Variants in LIPC observed in about 807,000 individuals in gnomAD.
LIPC encodes the protein hepatic triacylglycerol lipase.
Under a neutral mutation model 50.7 loss-of-function variants are expected in LIPC, and 44 were observed. The ratio of observed to expected loss-of-function variants is 0.87; its 90% confidence interval spans 0.68 to 1.11. The LOEUF (loss-of-function observed/expected upper bound fraction) is 1.11. Ranked by LOEUF, LIPC falls within the 50% of genes most tolerant of loss-of-function variation. LIPC has a pLI of 0.00. For synonymous variants in LIPC, 271 were observed against 256.4 expected, an observed-to-expected ratio of 1.06 and a Z score of -0.54; for missense variants, 697 against 648.2, an observed-to-expected ratio of 1.08 and a Z score of -0.82.
In LIPC at chr15:58,538,456, C is replaced by T. The variant is rs768938270; in HGVS notation, c.212C>T (p.Thr71Met). The change falls in exon 2 of 9, where the codon ACG becomes ATG. Residue 71 changes from threonine to methionine, a missense_variant. Transcript: ENST00000299022. Reference sequence around the variant, plus strand: ...CAGATTCGAATCAATCATCCGGACACGTTACAGGAGTGCGGCTTCAACTCC... The same window carrying T: ...CAGATTCGAATCAATCATCCGGACATGTTACAGGAGTGCGGCTTCAACTCC... ...GCQIRINHPD[T>M]LQECGFNSSL... The T allele has an allele frequency of 5.0e-6, 8 of 1,614,040 alleles. No individual in the cohort carries two copies. The highest frequency in any genetic ancestry group is 4.0e-5 in the African/African-American group (3 of 74,916).
chr15:58,537,168 G>A (rs1432559089), intron 1 of LIPC, among the ~76,000 whole-genome samples: 4 of 152,102 alleles, frequency 2.6e-5, no homozygotes, highest in African/African-American at 4.8e-5. Context: ...GAAAAGATGC[G>A]CCCATCTTGA....
chr15:58,541,728 G>A, intron 2 of LIPC, 57 bp from the exon 3 acceptor site: 1 of 1,541,250 alleles, frequency 6.5e-7, no homozygotes, highest in Non-Finnish European at 8.9e-7. Context: ...GGAGAAGGAA[G>A]AAGGGTGAGC....
At chr15:58,449,985 G>A (rs924108885) in intron 1 of LIPC, among the ~76,000 whole-genome samples, 3 of 152,174 alleles carry the variant, frequency 2.0e-5, no homozygotes, top group Non-Finnish European at 4.4e-5. Context: ...AAAGACCAGA[G>A]GGACCAGCCT....
chr15:58,489,428 G>A (rs1891503856), intron 1 of LIPC, among the ~76,000 whole-genome samples: 1 of 152,088 alleles, frequency 6.6e-6, no homozygotes, highest in South Asian at 2.1e-4. Context: ...AGCGGTTAGG[G>A]TTTTTCAAGG....
intron 1 of LIPC, among the ~76,000 whole-genome samples, chr15:58,469,171 G>C (rs1027730611): frequency 6.8e-6 from 1 of 146,340 alleles, no homozygotes; most frequent in African/African-American, 2.5e-5. Context: ...ATCTCACTCT[G>C]TTGCCCAGGC....
intron 1 of LIPC, among the ~76,000 whole-genome samples, chr15:58,514,989 G>A (rs1892440995): frequency 6.6e-6 from 1 of 152,190 alleles, no homozygotes; most frequent in Admixed American, 6.5e-5. Context: ...GAGACTCTGA[G>A]GACAGAATCC....
intron 5 of LIPC, among the ~76,000 whole-genome samples, chr15:58,547,804 T>C (rs1397953582): frequency 6.6e-6 from 1 of 152,004 alleles, no homozygotes; most frequent in Admixed American, 6.6e-5. Flanking sequence ...GGACACAAGG[T>C]AGACATTGTC....
At chr15:58,563,472 CTGAT>C (rs1482346318) in intron 7 of LIPC, 29 bp from the exon 8 acceptor site, 1 of 1,553,556 alleles carries the variant, frequency 6.4e-7, no homozygotes, top group East Asian at 2.2e-5. Flanking sequence ...TACGACTAAA[CTGAT>C]TGTGTCTGAT....
chr15:58,490,631 T>C (rs562393647), intron 1 of LIPC, among the ~76,000 whole-genome samples: 3 of 152,212 alleles, frequency 2.0e-5, no homozygotes, highest in Non-Finnish European at 4.4e-5. Context: ...ACCTCTAATC[T>C]GCCACTCTCC....
At chr15:58,535,323 A>G (rs1334437007) in intron 1 of LIPC, among the ~76,000 whole-genome samples, 1 of 152,240 alleles carries the variant, frequency 6.6e-6, no homozygotes, top group Non-Finnish European at 1.5e-5. Flanking sequence ...TACATGCTTA[A>G]TAAGTGTTTG....
intron 1 of LIPC, among the ~76,000 whole-genome samples, chr15:58,527,108 G>A (rs1408506789): frequency 6.6e-6 from 1 of 152,150 alleles, no homozygotes; most frequent in East Asian, 1.9e-4. Context: ...GGAGGATACA[G>A]GTCCAAAAGA....
intron 1 of LIPC, among the ~76,000 whole-genome samples, chr15:58,469,102 T>TGTGTGTGTG (rs1894682861): frequency 7.1e-6 from 1 of 140,624 alleles, no homozygotes. Context: ...AGGGAACATT[T>TGTGTGTGTG]TGTGTGTGTG....
At chr15:58,567,313 ATGTATATGTG>A (rs1566955132) in intron 8 of LIPC, among the ~76,000 whole-genome samples, 3,558 of 36,452 alleles carry the variant, frequency 0.098, 80 homozygotes, top group East Asian at 0.26. Flanking sequence ...ATACATATAT[ATGTATATGTG>A]TATATATATA....
At chr15:58,454,493 G>C (rs760218597) in intron 1 of LIPC, 4 of 152,242 alleles carry the variant, frequency 2.6e-5, no homozygotes, top group Non-Finnish European at 5.9e-5. Flanking sequence ...GCTCCATGGA[G>C]TACCCAGCCC....
At chr15:58,543,980 T>G (rs1470725709) in intron 4 of LIPC, among the ~76,000 whole-genome samples, 9 of 152,208 alleles carry the variant, frequency 5.9e-5, no homozygotes, top group African/African-American at 1.9e-4. Context: ...TAAAAGAATT[T>G]CTTTTAACTT....
At chr15:58,516,237 CTTTTTTTTTTTTTT>C (rs11351202) in intron 1 of LIPC, among the ~76,000 whole-genome samples, 2 of 45,136 alleles carry the variant, frequency 4.4e-5, no homozygotes, top group East Asian at 8.9e-4. Flanking sequence ...CCTCTAGCTT[CTTTTTTTTTTTTTT>C]TTTTTTTTTT....
chr15:58,565,926 A>AAG, intron 8 of LIPC: 1 of 985,166 alleles, frequency 1.0e-6, no homozygotes, highest in East Asian at 1.1e-4. Flanking sequence ...AAAAAAAAAA[A>AAG]AAAATCTGAG....
chr15:58,541,905 A>T lies in LIPC; in HGVS notation c.394A>T (p.Ile132Phe). ...CACCCTGGCCCACGACCACTACACC[A>T]TCGCCGTCCGCAACACCCGCCTTGT... is the stretch of plus-strand genomic sequence containing the variant. ...WITLAHDHYT[I>F]AVRNTRLVGK... The change falls in exon 3 of 9, where the codon ATC (isoleucine) becomes TTC (phenylalanine). Residue 132 changes from isoleucine (I) to phenylalanine (F), a missense_variant. Ile to Phe is a conservative substitution (Grantham distance 21). Transcript: ENST00000299022. 1 of 1,611,944 alleles carries T rather than the reference A, an allele frequency of 6.2e-7. No individual in the cohort carries two copies. Among genetic ancestry groups the T allele is most frequent in the Non-Finnish European group, 8.5e-7 (1 of 1,179,954 alleles).
At chr15:58,470,074 G>C (rs7162384) in intron 1 of LIPC, among the ~76,000 whole-genome samples, 1 of 151,558 alleles carries the variant, frequency 6.6e-6, no homozygotes, top group African/African-American at 2.4e-5. Context: ...CTGGGACTAC[G>C]GGTACATACC....
Sources: allele counts gnomAD v4.1 joint callset (sites outside exome capture counted in the v4.1 genomes callset), GRCh38; gene constraint gnomAD v4.1.1; transcripts MANE v1.5; gene names NCBI Gene and HGNC (gene_info 2026-07-23, HGNC 2026-07-21).